PREX1: variants seen among roughly 807,000 people sequenced by gnomAD.
PREX1 encodes phosphatidylinositol-3,4,5-trisphosphate dependent Rac exchange factor 1.
In PREX1, 41 loss-of-function variants were observed where a neutral mutation model predicts 198.3. The observed-to-expected ratio is 0.21, with a 90% CI of 0.16 to 0.27. PREX1 has a LOEUF of 0.27. Ranked by LOEUF, PREX1 falls within the 10% of genes least tolerant of loss-of-function variation. The pLI, the probability that PREX1 is intolerant of heterozygous loss-of-function variation, is 1.00. For missense variants in PREX1, 1,620 were observed against 2,200.7 expected, an observed-to-expected ratio of 0.74 and a Z score of 5.28; for synonymous variants, 843 against 887.2, an observed-to-expected ratio of 0.95 and a Z score of 0.89.
chr20:48,682,773 G>A (rs539590546), intron 10 of PREX1, among the ~76,000 whole-genome samples: 4 of 152,304 alleles, frequency 2.6e-5, no homozygotes, highest in African/African-American at 9.6e-5. Context: ...AACTCAGCAG[G>A]AAAAGGGAGA....
At chr20:48,676,778 C>G (rs2089712507) in intron 13 of PREX1, among the ~76,000 whole-genome samples, 1 of 152,166 alleles carries the variant, frequency 6.6e-6, no homozygotes, top group South Asian at 2.1e-4. Flanking sequence ...CAGGGGAGAC[C>G]CTCCATTCTT....
chr20:48,659,190 TGGAGG>T (rs1178032218), intron 16 of PREX1, among the ~76,000 whole-genome samples: 8 of 33,674 alleles, frequency 2.4e-4, no homozygotes, highest in African/African-American at 4.8e-4. Context: ...GAGAGGGGAA[TGGAGG>T]GGAGGGGAGG....
chr20:48,740,938 T>C (rs1268963751), intron 3 of PREX1, among the ~76,000 whole-genome samples: 1 of 152,238 alleles, frequency 6.6e-6, no homozygotes, highest in Non-Finnish European at 1.5e-5. Flanking sequence ...TTTATAGCAC[T>C]CATTTTCTAT....
intron 1 of PREX1, among the ~76,000 whole-genome samples, chr20:48,823,947 C>T (rs2090498342): frequency 6.6e-6 from 1 of 152,130 alleles, no homozygotes; most frequent in South Asian, 2.1e-4. Context: ...AAACAGCATC[C>T]CCTTCATAAA....
At chr20:48,693,333 C>G (rs1395958823) in intron 7 of PREX1, among the ~76,000 whole-genome samples, 1 of 152,162 alleles carries the variant, frequency 6.6e-6, no homozygotes, top group African/African-American at 2.4e-5. Context: ...ATATCCTAAC[C>G]CCCAAGGTAA....
intron 18 of PREX1, among the ~76,000 whole-genome samples, chr20:48,655,971 C>G (rs377053313): frequency 2.6e-5 from 4 of 152,138 alleles, no homozygotes; most frequent in African/African-American, 7.2e-5. Flanking sequence ...CCCATTCCCC[C>G]CTGCAGATAA....
At chr20:48,760,670 GAAGTTGCTTGT>G (rs1380838264) in intron 1 of PREX1, among the ~76,000 whole-genome samples, 1 of 152,110 alleles carries the variant, frequency 6.6e-6, no homozygotes, top group Non-Finnish European at 1.5e-5. Context: ...AAAGGGGCAG[GAAGTTGCTTGT>G]GATGATATTC....
chr20:48,693,516 C>A (rs991699380), intron 7 of PREX1, among the ~76,000 whole-genome samples: 1 of 152,244 alleles, frequency 6.6e-6, no homozygotes, highest in African/African-American at 2.4e-5. Flanking sequence ...CCCTCGCCAG[C>A]ACCGAGTCTA....
At chr20:48,641,812 AAGAAAGAAAGAAAG>A (rs1219757659) in intron 29 of PREX1, among the ~76,000 whole-genome samples, 4 of 133,632 alleles carry the variant, frequency 3.0e-5, no homozygotes, top group East Asian at 3.5e-4. Flanking sequence ...GAAAGAAAGA[AAGAAAGAAAGAAAG>A]AGAGAGAGAG....
At chr20:48,645,174 G>C (rs772300240) in intron 26 of PREX1, among the ~76,000 whole-genome samples, 14 of 152,184 alleles carry the variant, frequency 9.2e-5, no homozygotes, top group African/African-American at 2.7e-4. Flanking sequence ...TGCGAGGACT[G>C]GGGGGAAGGT....
intron 31 of PREX1, 128 bp from the exon 32 acceptor site, chr20:48,636,811 A>C: frequency 1.3e-6 from 1 of 796,990 alleles, no homozygotes; most frequent in South Asian, 2.0e-5. Context: ...CAGGCCAGAA[A>C]TTACTTTTTG....
intron 25 of PREX1, 115 bp downstream of exon 25, chr20:48,649,185 T>C: frequency 7.1e-7 from 1 of 1,403,212 alleles, no homozygotes; most frequent in Non-Finnish European, 9.6e-7. Flanking sequence ...TAGCCTATAA[T>C]GTCCAGGACA....
At chr20:48,818,292 C>T (rs2090467455) in intron 1 of PREX1, among the ~76,000 whole-genome samples, 1 of 152,110 alleles carries the variant, frequency 6.6e-6, no homozygotes, top group Non-Finnish European at 1.5e-5. Context: ...ACCACCGAAT[C>T]GTACAGTTTG....
intron 1 of PREX1, among the ~76,000 whole-genome samples, chr20:48,755,090 T>C (rs969471170): frequency 1.3e-5 from 2 of 152,166 alleles, no homozygotes; most frequent in Non-Finnish European, 2.9e-5. Flanking sequence ...GTTAAATAAA[T>C]TACCATCCAG....
intron 3 of PREX1, among the ~76,000 whole-genome samples, chr20:48,739,420 G>A (rs948358743): frequency 4.6e-5 from 7 of 152,112 alleles, no homozygotes; most frequent in Non-Finnish European, 8.8e-5. Flanking sequence ...AAAATTATTT[G>A]ATGTTTACCT....
chr20:48,820,909 G>A (rs1440758241), intron 1 of PREX1, among the ~76,000 whole-genome samples: 1 of 152,178 alleles, frequency 6.6e-6, no homozygotes, highest in African/African-American at 2.4e-5. Context: ...CTCTTCAAGA[G>A]GGACTTTTGG....
At chr20:48,777,691 C>G (rs1481209228) in intron 1 of PREX1, among the ~76,000 whole-genome samples, 1 of 152,168 alleles carries the variant, frequency 6.6e-6, no homozygotes, top group Non-Finnish European at 1.5e-5. Flanking sequence ...TTGGGGCCGG[C>G]AGCTGTACCT....
chr20:48,772,620 C>T lies in PREX1; in HGVS notation c.220-24740G>A, dbSNP rs2090241975. Reference sequence around the variant, plus strand: ...GTCGGCAGCTCAGCGGGAGGAAAGGCGACAGTATACAAATCGCTTCATGTC... The same window carrying T: ...GTCGGCAGCTCAGCGGGAGGAAAGGTGACAGTATACAAATCGCTTCATGTC... On this transcript the variant is annotated intron_variant, in intron 1 of 39. Transcript: ENST00000371941. Among the ~76,000 whole-genome samples, 4 of 152,190 alleles carry T rather than the reference C, an allele frequency of 2.6e-5. 1 individual carries two copies. In the South Asian group the frequency reaches 6.2e-4, roughly 24 times the overall value.
chr20:48,778,179 G>A (rs1432797679), intron 1 of PREX1, among the ~76,000 whole-genome samples: 1 of 152,148 alleles, frequency 6.6e-6, no homozygotes, highest in Non-Finnish European at 1.5e-5. Context: ...AAAACCCTGT[G>A]CTACTTAATT....
Sources: gnomAD v4.1 joint callset for allele counts (sites outside exome capture counted in the v4.1 genomes callset) on GRCh38, gnomAD v4.1.1 for gene constraint, MANE v1.5 for transcripts, NCBI Gene and HGNC (gene_info 2026-07-23, HGNC 2026-07-21) for gene names.